The following CCDC7 variants were observed in gnomAD, a reference collection of about 807,000 sequenced individuals.
CCDC7 encodes coiled-coil domain-containing protein 7.
A neutral mutation model predicts 196.9 loss-of-function variants in CCDC7; 183 were observed. The observed-to-expected ratio is 0.93, with a 90% confidence interval of 0.82 to 1.05. The LOEUF (loss-of-function observed/expected upper bound fraction) is 1.05, where lower values mean the gene tolerates loss of function less well. Ranked by LOEUF, CCDC7 falls within the 50% of genes least tolerant of loss-of-function variation. CCDC7 has a pLI of 0.00. For missense variants in CCDC7, 1,540 were observed against 1,482.2 expected (o/e 1.04, Z -0.64); for synonymous variants, 525 against 484.6 (o/e 1.08, Z -1.10).
At chr10:32,874,151 G>A (rs2094523126) in intron 41 of CCDC7, among the ~76,000 whole-genome samples, 2 of 148,174 alleles carry the variant, frequency 1.3e-5, no homozygotes. Context: ...ATTTTTATAT[G>A]TACATATATA....
chr10:32,811,376 G>T (rs1470161631), intron 30 of CCDC7, among the ~76,000 whole-genome samples: 1 of 151,948 alleles, frequency 6.6e-6, no homozygotes, highest in South Asian at 2.1e-4. Context: ...ACAACTATAC[G>T]CTGATAAACT....
Position 32,499,980 on chromosome 10 carries a change from T to C in CCDC7, c.872+7983T>C, listed in dbSNP as rs570301499. On this transcript the variant is annotated intron_variant, in intron 9 of 41. Coordinates refer to ENST00000639629, the Ensembl canonical transcript of CCDC7. ...GAACCTTTCTTAGTACAGAACAAAA[T>C]GGAGTCTCCTATGTCTACTTCTTTC... 5.3e-5 allele frequency among the ~76,000 whole-genome samples: 8 copies of C among 152,324 alleles called. No individual in the cohort carries two copies. In the East Asian group the frequency reaches 1.5e-3, roughly 29 times the overall value.
chr10:32,788,580 G>T (rs1246449184), intron 29 of CCDC7, among the ~76,000 whole-genome samples: 1 of 152,228 alleles, frequency 6.6e-6, no homozygotes, highest in East Asian at 1.9e-4. Flanking sequence ...TGTCAGGCTG[G>T]CTCTCACAAC....
intron 9 of CCDC7, among the ~76,000 whole-genome samples, chr10:32,510,665 A>C (rs983129874): frequency 6.6e-6 from 1 of 152,148 alleles, no homozygotes; most frequent in Non-Finnish European, 1.5e-5. Flanking sequence ...GAGTACAGTC[A>C]TCATGCCAAA....
intron 28 of CCDC7, among the ~76,000 whole-genome samples, chr10:32,766,760 G>C (rs546435948): frequency 2.6e-4 from 40 of 152,086 alleles, no homozygotes; most frequent in Non-Finnish European, 4.7e-4. Context: ...ACATGAGACA[G>C]TGCTCAGGCA....
chr10:32,673,318 TGTA>T (rs2074368051), intron 21 of CCDC7, among the ~76,000 whole-genome samples: 1 of 152,162 alleles, frequency 6.6e-6, no homozygotes, highest in African/African-American at 2.4e-5. Flanking sequence ...TTTCAATTTC[TGTA>T]AAAGTGTGCC....
chr10:32,720,234 C>A (rs1467797689), intron 25 of CCDC7, among the ~76,000 whole-genome samples: 1 of 152,106 alleles, frequency 6.6e-6, no homozygotes, highest in Non-Finnish European at 1.5e-5. Flanking sequence ...GAGTTCATGT[C>A]CTTTGCAGGG....
At chr10:32,496,461 C>T (rs146172061) in intron 9 of CCDC7, among the ~76,000 whole-genome samples, 235 of 152,198 alleles carry the variant, frequency 1.5e-3, no homozygotes, top group Non-Finnish European at 2.9e-3. Context: ...TGTCTTGTGC[C>T]AGTTTTCAAA....
chr10:32,476,771 T>C (rs1313326825), intron 8 of CCDC7, among the ~76,000 whole-genome samples: 1 of 152,244 alleles, frequency 6.6e-6, no homozygotes, highest in Non-Finnish European at 1.5e-5. Flanking sequence ...TGTGTAGTGA[T>C]TTTTCATTGT....
At chr10:32,558,750 G>A (rs1448721731) in intron 13 of CCDC7, among the ~76,000 whole-genome samples, 2 of 152,210 alleles carry the variant, frequency 1.3e-5, no homozygotes, top group African/African-American at 4.8e-5. Flanking sequence ...CGCAGAAGAC[G>A]GGTGATTTCT....
At chr10:32,500,287 A>G (rs57325023) in intron 9 of CCDC7, among the ~76,000 whole-genome samples, 7,918 of 151,620 alleles carry the variant, frequency 0.052, 684 homozygotes, top group African/African-American at 0.18. Context: ...CTCACCTCCC[A>G]GACGGGGCAG....
At chr10:32,753,838 A>T (rs899710917) in intron 28 of CCDC7, among the ~76,000 whole-genome samples, 4 of 152,166 alleles carry the variant, frequency 2.6e-5, no homozygotes, top group Non-Finnish European at 4.4e-5. Flanking sequence ...AATTGATTGA[A>T]AAAATGACAT....
chr10:32,541,363 A>T (rs571275289), intron 11 of CCDC7, among the ~76,000 whole-genome samples: 8 of 125,562 alleles, frequency 6.4e-5, no homozygotes, highest in African/African-American at 2.1e-4. Flanking sequence ...GGTGTTGCCC[A>T]TATGGGTATC....
chr10:32,783,870 G>C (rs2081408388), intron 29 of CCDC7, among the ~76,000 whole-genome samples: 1 of 152,126 alleles, frequency 6.6e-6, no homozygotes, highest in Non-Finnish European at 1.5e-5. Context: ...GAAATATTAT[G>C]GTAAGTGAAA....
intron 41 of CCDC7, 27 bp from the exon 43 acceptor site, chr10:32,876,320 C>A: frequency 1.3e-6 from 2 of 1,581,686 alleles, no homozygotes; most frequent in African/African-American, 1.4e-5. Flanking sequence ...AACTTTTTTT[C>A]AATTAACACA....
At chr10:32,452,719 A>G (rs1241893190) in intron 1 of CCDC7, among the ~76,000 whole-genome samples, 1 of 152,044 alleles carries the variant, frequency 6.6e-6, no homozygotes, top group African/African-American at 2.4e-5. Flanking sequence ...TGGCCTCCCA[A>G]AGTGCTGGGA....
At chr10:32,845,251 A>G (rs768979024) in exon 34 of CCDC7, 1 of 1,559,516 alleles carries the variant, frequency 6.4e-7, no homozygotes, top group Admixed American at 1.9e-5. Flanking sequence ...AGAGACTGAT[A>G]AGGAACACTT....
At chr10:32,675,746 A>G (rs1000891949) in intron 21 of CCDC7, 5 of 152,338 alleles carry the variant, frequency 3.3e-5, no homozygotes, top group African/African-American at 1.2e-4. Context: ...GATACAAAGA[A>G]ATGGAAGAAC....
chr10:32,579,488 G>A (rs1412080317), intron 16 of CCDC7, among the ~76,000 whole-genome samples: 4 of 152,020 alleles, frequency 2.6e-5, no homozygotes, highest in African/African-American at 9.7e-5. Flanking sequence ...TATAATCTGA[G>A]AAAGAAACAG....
Sources: allele counts gnomAD v4.1 joint callset (sites outside exome capture counted in the v4.1 genomes callset), GRCh38; gene constraint gnomAD v4.1.1; transcripts MANE v1.5; gene names NCBI Gene and HGNC (gene_info 2026-07-23, HGNC 2026-07-21).